Variants in ESRP1 observed in about 807,000 individuals in gnomAD.
The protein encoded by ESRP1 is epithelial splicing regulatory protein 1.
Under a neutral mutation model 81.7 loss-of-function variants are expected in ESRP1, and 33 were observed. The observed-to-expected ratio is 0.40, with a 90% CI of 0.31 to 0.54. The LOEUF (loss-of-function observed/expected upper bound fraction) is 0.54, where lower values mean the gene tolerates loss of function less well. Ranked by LOEUF, ESRP1 falls within the 20% of genes least tolerant of loss-of-function variation. ESRP1 has a pLI of 0.41. For missense variants in ESRP1, 672 were observed against 833.1 expected (o/e 0.81, Z 2.38); for synonymous variants, 320 against 303.3 (o/e 1.06, Z -0.57).
At chr8:94,657,472 CGTGTGTGTGT>C (rs9297944) in intron 4 of ESRP1, among the ~76,000 whole-genome samples, 56 of 146,268 alleles carry the variant, frequency 3.8e-4, no homozygotes, top group Non-Finnish European at 6.6e-4. Flanking sequence ...AGGCTGTGTG[CGTGTGTGTGT>C]GTGTGTGTGT....
rs1810067438 is a variant in ESRP1 at position 94,706,293 on chromosome 8, A to C, written c.*404A>C. 2 of 223,812 alleles carry C rather than the reference A, an allele frequency of 8.9e-6. No homozygotes were observed. The highest frequency in any genetic ancestry group is 1.7e-5 in the Non-Finnish European group (2 of 114,386). The allele number at this position is 223,812 out of a possible 1,614,324, so 13.9% of individuals were successfully genotyped here. A position where few individuals can be genotyped will look rare whatever the true frequency, so the allele number is the denominator to read the frequency against. ...ATCTCCACCATGAACTCTGTTAAGG[A>C]AGCTTCATTTTTGTATATTCCCGCT... is the stretch of plus-strand genomic sequence containing the variant. On this transcript the variant is annotated 3_prime_UTR_variant, in exon 16 of 16. Coordinates refer to ENST00000433389, the MANE Select transcript of ESRP1 (RefSeq NM_017697.4).
chr8:94,686,159 C>G (rs1260724525), intron 13 of ESRP1, among the ~76,000 whole-genome samples: 2 of 152,140 alleles, frequency 1.3e-5, no homozygotes, highest in Non-Finnish European at 2.9e-5. Flanking sequence ...GAATTCCTGA[C>G]CTCCAGTGAT....
rs768139935 is a variant in ESRP1, at chr8:94,664,793, A to C, written c.741A>C (p.Gly247=). The change falls in exon 7 of 16, where the codon GGA becomes GGC. Residue 247 remains glycine (G), a synonymous_variant. Coordinates refer to ENST00000433389, the MANE Select transcript of ESRP1 (RefSeq NM_017697.4). ...SDQDIARFFK[G]LNIAKGGAAL... Reference sequence around the variant, plus strand: ...AAGATATTGCAAGATTCTTCAAAGGACTCAATATTGCCAAGTTGGTTTTCT... The same window carrying C: ...AAGATATTGCAAGATTCTTCAAAGGCCTCAATATTGCCAAGTTGGTTTTCT... 17 of 1,613,644 alleles carry C rather than the reference A, an allele frequency of 1.1e-5. No individual in the cohort carries two copies. The highest frequency in any genetic ancestry group is 1.3e-5 in the Non-Finnish European group (15 of 1,179,650).
intron 4 of ESRP1, among the ~76,000 whole-genome samples, chr8:94,647,401 A>G (rs921916207): frequency 6.6e-6 from 1 of 152,216 alleles, no homozygotes; most frequent in Admixed American, 6.5e-5. Context: ...AGCTTCCATA[A>G]CAAATACCAT....
chr8:94,677,467 C>T (rs1808691945), intron 12 of ESRP1, among the ~76,000 whole-genome samples: 1 of 152,176 alleles, frequency 6.6e-6, no homozygotes, highest in Non-Finnish European at 1.5e-5. Flanking sequence ...AACCAGAAGA[C>T]AATGCAGTTG....
intron 15 of ESRP1, among the ~76,000 whole-genome samples, chr8:94,704,937 A>G (rs10091213): frequency 0.69 from 105,376 of 151,864 alleles, 38,022 homozygotes; most frequent in African/African-American, 0.91. Context: ...AACATAGTGG[A>G]ACCAATCTGT....
intron 14 of ESRP1, among the ~76,000 whole-genome samples, chr8:94,695,371 T>TTTTTTTTTCTTTTC (rs1351009238): frequency 8.9e-6 from 1 of 111,996 alleles, no homozygotes; most frequent in Non-Finnish European, 1.7e-5. Context: ...TTTTTTTTTT[T>TTTTTTTTTCTTTTC]TGAGACGGAG....
At chr8:94,648,968 C>G (rs1817976916) in intron 4 of ESRP1, among the ~76,000 whole-genome samples, 1 of 152,154 alleles carries the variant, frequency 6.6e-6, no homozygotes, top group Non-Finnish European at 1.5e-5. Context: ...TGCCTGTAAT[C>G]CCAGCACTTT....
intron 10 of ESRP1, among the ~76,000 whole-genome samples, chr8:94,669,495 T>C (rs576845725): frequency 3.3e-5 from 5 of 152,320 alleles, no homozygotes; most frequent in African/African-American, 9.6e-5. Flanking sequence ...ATAAGTATAA[T>C]TGAAATTCTA....
intron 12 of ESRP1, among the ~76,000 whole-genome samples, 194 bp downstream of exon 12, chr8:94,674,700 T>C (rs1819505116): frequency 6.6e-6 from 1 of 152,198 alleles, no homozygotes; most frequent in African/African-American, 2.4e-5. Context: ...TTAGAGATGC[T>C]ACAAATACCT....
At chr8:94,689,987 T>C (rs1209739324) in intron 13 of ESRP1, among the ~76,000 whole-genome samples, 1 of 151,766 alleles carries the variant, frequency 6.6e-6, no homozygotes, top group Non-Finnish European at 1.5e-5. Context: ...CGGCTAATTT[T>C]TTTGTATTTT....
intron 4 of ESRP1, among the ~76,000 whole-genome samples, chr8:94,653,355 T>C (rs908992678): frequency 2.0e-5 from 3 of 152,200 alleles, no homozygotes; most frequent in Non-Finnish European, 2.9e-5. Flanking sequence ...GGGCAACTTA[T>C]TTGAATCTTC....
At chr8:94,664,899 C>T (rs1170183067) in intron 7 of ESRP1, 28 bp from the exon 8 acceptor site, 6 of 1,604,880 alleles carry the variant, frequency 3.7e-6, no homozygotes, top group Non-Finnish European at 4.2e-6. Flanking sequence ...TTTTTTTCTA[C>T]CTGCTGTCTG....
chr8:94,691,822 C>T (rs1291099266), intron 13 of ESRP1, among the ~76,000 whole-genome samples: 2 of 151,992 alleles, frequency 1.3e-5, no homozygotes, highest in Non-Finnish European at 2.9e-5. Flanking sequence ...AAAAAATTCC[C>T]TATATATTTT....
chr8:94,683,187 G>T lies in ESRP1; in HGVS notation c.1820+4816G>T, dbSNP rs189732547. Among the ~76,000 whole-genome samples, 12 of 151,038 alleles carry T rather than the reference G, an allele frequency of 7.9e-5. No individual in the cohort carries two copies. The East Asian group carries it at 1.4e-3, about 17-fold the overall frequency. Reference sequence around the variant, plus strand: ...TCCAACTCCAGACCTCAAGTGATCCGCCCGCCTCGGCCTCCCAAAGTGCTG... The same window carrying T: ...TCCAACTCCAGACCTCAAGTGATCCTCCCGCCTCGGCCTCCCAAAGTGCTG... On this transcript the variant is annotated intron_variant, in intron 13 of 15. Transcript: ENST00000433389.
In ESRP1 at chr8:94,696,708, G is replaced by A. The variant is rs55862449; in HGVS notation, c.1972-144G>A. On this transcript the variant is annotated intron_variant, in intron 14 of 15. Coordinates refer to ENST00000433389, the MANE Select transcript of ESRP1 (RefSeq NM_017697.4). ...TAAGAAATAAAGATTTGGGTTAGTA[G>A]ATATGTATATGGCTTGTACCTGTGT... is the stretch of plus-strand genomic sequence containing the variant. 7.3e-3 allele frequency: 4,098 copies of A among 565,218 alleles called. 119 individuals carry two copies. The highest frequency in any genetic ancestry group is 0.069 in the African/African-American group (3,633 of 52,982). The allele number at this position is 565,218 out of a possible 1,614,324, so 35.0% of individuals were successfully genotyped here.
At chr8:94,690,666 G>A (rs1199496763) in intron 13 of ESRP1, among the ~76,000 whole-genome samples, 1 of 151,962 alleles carries the variant, frequency 6.6e-6, no homozygotes, top group African/African-American at 2.4e-5. Flanking sequence ...CATTTACTTT[G>A]GCTAGTTTTA....
intron 4 of ESRP1, among the ~76,000 whole-genome samples, chr8:94,655,339 G>A (rs1341961923): frequency 8.7e-5 from 13 of 150,088 alleles, no homozygotes; most frequent in African/African-American, 2.2e-4. Context: ...CACCCGCCTC[G>A]GCCTCCCTAA....
At chr8:94,671,087 A>T (rs1034346464) in intron 10 of ESRP1, among the ~76,000 whole-genome samples, 8 of 152,202 alleles carry the variant, frequency 5.3e-5, no homozygotes, top group African/African-American at 1.9e-4. Flanking sequence ...TATGTTCAGA[A>T]TTGTATAAAA....
Sources: gnomAD v4.1 joint callset for allele counts (sites outside exome capture counted in the v4.1 genomes callset) on GRCh38, gnomAD v4.1.1 for gene constraint, MANE v1.5 for transcripts, NCBI Gene and HGNC (gene_info 2026-07-23, HGNC 2026-07-21) for gene names.